The following AMDHD1 variants were observed in gnomAD, a reference collection of about 807,000 sequenced individuals.
AMDHD1 encodes probable imidazolonepropionase.
Under a neutral mutation model 44.1 loss-of-function variants are expected in AMDHD1, and 45 were observed. The observed-to-expected ratio is 1.02, with a 90% CI of 0.80 to 1.31. The LOEUF (loss-of-function observed/expected upper bound fraction) is 1.31, where lower values mean the gene tolerates loss of function less well. Ranked by LOEUF, AMDHD1 falls within the 50% of genes most tolerant of loss-of-function variation. The pLI is 0.00. For missense variants in AMDHD1, 586 were observed against 552.1 expected (o/e 1.06, Z -0.61); for synonymous variants, 206 against 205.0 (o/e 1.00, Z -0.04).
chr12:95,962,299 C>T (rs1224302111), intron 5 of AMDHD1, 56 bp from the exon 6 acceptor site: 8 of 1,572,492 alleles, frequency 5.1e-6, no homozygotes, highest in Non-Finnish European at 6.9e-6. Context: ...AATGGAACTT[C>T]ATGGATTCGT....
chr12:95,952,220 T>G (rs2080528575), intron 1 of AMDHD1, among the ~76,000 whole-genome samples: 1 of 152,206 alleles, frequency 6.6e-6, no homozygotes, highest in South Asian at 2.1e-4. Context: ...GTTTAAGTTC[T>G]TAGATTTCAG....
At chr12:95,959,541 TG>T (rs1257487494) in intron 4 of AMDHD1, among the ~76,000 whole-genome samples, 2 of 152,126 alleles carry the variant, frequency 1.3e-5, no homozygotes, top group African/African-American at 4.8e-5. Flanking sequence ...CCCCAGTTGC[TG>T]GGATTATAGG....
At chr12:95,956,253 C>T (rs554769424) in intron 3 of AMDHD1, among the ~76,000 whole-genome samples, 1 of 152,292 alleles carries the variant, frequency 6.6e-6, no homozygotes, top group Non-Finnish European at 1.5e-5. Context: ...GGGCTACAGG[C>T]GTGTGCCACC....
rs575835957 is a variant in AMDHD1, at chr12:95,955,025, C to A, written c.309+50C>A. ...TCAAAATAAAGCACAAATATGAAGT[C>A]TTTTGCTGAAGAGTTAGTAGGCTAT... On this transcript the variant is annotated intron_variant, in intron 3 of 8. Transcript: ENST00000266736. The A allele has an allele frequency of 1.8e-4, 278 of 1,577,222 alleles. 3 individuals are homozygous for A. The South Asian group carries it at 2.8e-3, about 16-fold the overall frequency.
intron 1 of AMDHD1, among the ~76,000 whole-genome samples, chr12:95,950,969 T>C (rs1372234271): frequency 6.6e-6 from 1 of 152,190 alleles, no homozygotes; most frequent in Non-Finnish European, 1.5e-5. Flanking sequence ...TTTTCATGGG[T>C]ACATATATAT....
Position 95,960,448 on chromosome 12 carries a change from C to T in AMDHD1, c.638C>T (p.Pro213Leu). The change falls in exon 5 of 9, where the codon CCA becomes CTA. Residue 213 changes from proline to leucine, a missense_variant. Pro to Leu is a moderately conservative substitution (Grantham distance 98). Coordinates refer to ENST00000266736, the MANE Select transcript of AMDHD1 (RefSeq NM_152435.3). ...GATGACATCATCAATAACCACCTCC[C>T]AAAGCTGAAGGAACTTGGCAGAAAT... is the stretch of plus-strand genomic sequence containing the variant. Reference protein sequence around the residue: ...AADDIINNHLPKLKELGRNGE... With the variant: ...AADDIINNHLLKLKELGRNGE... 5.6e-6 allele frequency: 9 copies of T among 1,614,192 alleles called. No homozygotes were observed. The highest frequency in any genetic ancestry group is 7.6e-6 in the Non-Finnish European group (9 of 1,180,038).
At position 95,948,561 on chromosome 12, in the gene AMDHD1, G is replaced by C. The variant is rs1356446509; in HGVS notation, c.138-4156G>C. On this transcript the variant is annotated intron_variant, in intron 1 of 8. Coordinates refer to ENST00000266736, the MANE Select transcript of AMDHD1 (RefSeq NM_152435.3). Reference sequence around the variant, plus strand: ...GGTGGGGGGGGGGTCAGCCCCCACCGCCCAGCCAGCCGACCCGTCCGGGAG... The same window carrying C: ...GGTGGGGGGGGGGTCAGCCCCCACCCCCCAGCCAGCCGACCCGTCCGGGAG... Among the ~76,000 whole-genome samples, 21 of 84,194 alleles carry C rather than the reference G, an allele frequency of 2.5e-4. 3 individuals carry two copies. The highest frequency in any genetic ancestry group is 7.6e-4 in the Admixed American group (6 of 7,914). The allele number at this position is 84,194 out of a possible 152,430, so 55.2% of individuals were successfully genotyped here. A position where few individuals can be genotyped will look rare whatever the true frequency, so the allele number is the denominator to read the frequency against.
At position 95,966,488 on chromosome 12, in the gene AMDHD1, C is replaced by G; in HGVS notation, c.1173C>G (p.Leu391=). Residue 391 remains leucine (L), a synonymous_variant, in exon 8 of 9, where the codon CTC becomes CTG. Transcript: ENST00000266736. ...GSLEVGKQGD[L]IIINSSRWEH... ...TGGAAGTTGGCAAACAGGGAGATCT[C>G]ATTATCATCAATTCATCCCGGTGAG... is the stretch of plus-strand genomic sequence containing the variant. The G allele has an allele frequency of 1.2e-6, 2 of 1,614,232 alleles. No individual in the cohort carries two copies. The highest frequency in any genetic ancestry group is 1.7e-6 in the Non-Finnish European group (2 of 1,180,048).
chr12:95,962,716 C>CTTTCTT (rs1252266360), intron 6 of AMDHD1, among the ~76,000 whole-genome samples: 3 of 152,054 alleles, frequency 2.0e-5, no homozygotes, highest in East Asian at 1.9e-4. Context: ...GAAGATGGTG[C>CTTTCTT]TTTCTTTTTC....
In AMDHD1 at chr12:95,968,464, A is replaced by G. The variant is rs946789314; in HGVS notation, c.*621A>G. On this transcript the variant is annotated 3_prime_UTR_variant, in exon 9 of 9. Coordinates refer to ENST00000266736, the MANE Select transcript of AMDHD1 (RefSeq NM_152435.3). ...TACACAGGCACAGGGGCCTTCCTGA[A>G]ATGGGTGCATTTTTACCAACTACAA... 6.6e-6 allele frequency: 1 copy of G among 152,188 alleles called. No individual in the cohort carries two copies. The highest frequency in any genetic ancestry group is 1.5e-5 in the Non-Finnish European group (1 of 68,030). 9.4% of individuals were successfully genotyped at this position (152,188 alleles called of 1,614,324 possible). A position where few individuals can be genotyped will look rare whatever the true frequency, so the allele number is the denominator to read the frequency against.
Position 95,952,818 on chromosome 12 carries a change from T to C in AMDHD1, c.239T>C (p.Leu80Pro). The C allele has an allele frequency of 6.3e-7, 1 of 1,588,626 alleles. No individual in the cohort carries two copies. The highest frequency in any genetic ancestry group is 8.6e-7 in the Non-Finnish European group (1 of 1,157,360). ...ATTGACTGCTCTGGGAAATGTATTC[T>C]ACCAGGTATTTACCTCTTTTTCAGT... The part of the protein sequence containing the change: ...EIIDCSGKCI[L>P]PGLVDAHTHP... Residue 80 changes from leucine to proline, a missense_variant, in exon 2 of 9, where the codon CTA becomes CCA. Coordinates refer to ENST00000266736, the MANE Select transcript of AMDHD1 (RefSeq NM_152435.3).
chr12:95,945,788 T>C (rs1378460566), intron 1 of AMDHD1, among the ~76,000 whole-genome samples: 5 of 152,056 alleles, frequency 3.3e-5, no homozygotes, highest in African/African-American at 1.2e-4. Flanking sequence ...TGTGTGTTTT[T>C]TTTTTTCCCA....
chr12:95,956,910 G>A lies in AMDHD1; in HGVS notation c.535G>A (p.Glu179Lys), dbSNP rs769927161. The A allele has an allele frequency of 2.5e-6, 4 of 1,613,020 alleles. No individual in the cohort carries two copies. In the East Asian group the frequency reaches 8.9e-5, roughly 36 times the overall value. The change falls in exon 4 of 9, where the codon GAG becomes AAG. Residue 179 changes from glutamate to lysine, a missense_variant. By Grantham distance (56) the Glu-to-Lys change is moderately conservative. Coordinates refer to ENST00000266736, the MANE Select transcript of AMDHD1 (RefSeq NM_152435.3). ...GCGCGTGATTGAGCGCGCCCGGCGG[G>A]AGCTGGACATCGGCATCTCGGCTAC... ...MLRVIERARRELDIGISATYC... is the reference protein window; with the variant it reads ...MLRVIERARRKLDIGISATYC...
rs1363483765 is a variant in AMDHD1 at position 95,947,468 on chromosome 12, C to T, written c.137+3933C>T. The stretch of plus-strand genomic sequence containing the variant: ...GAGCCTCTCCGCCCGGCAGCCACCC[C>T]ATCTGGGAAGTGAGGAGCGTCTCCG... On this transcript the variant is annotated intron_variant, in intron 1 of 8. Coordinates refer to ENST00000266736, the MANE Select transcript of AMDHD1 (RefSeq NM_152435.3). 7.3e-5 allele frequency: 5 copies of T among 68,652 alleles called. 1 individual carries two copies. Among genetic ancestry groups the T allele is most frequent in the African/African-American group, 1.6e-4 (2 of 12,218 alleles). The allele number at this position is 68,652 out of a possible 1,614,324, so 4.3% of individuals were successfully genotyped here. A position where few individuals can be genotyped will look rare whatever the true frequency, so the allele number is the denominator to read the frequency against.
chr12:95,954,587 T>C (rs1014605512), intron 2 of AMDHD1, among the ~76,000 whole-genome samples: 2 of 150,932 alleles, frequency 1.3e-5, no homozygotes, highest in African/African-American at 4.9e-5. Flanking sequence ...TAAAATAAAA[T>C]AAAATAAAAT....
rs60076877 is a variant in AMDHD1, at chr12:95,964,928, C to CAAAAAAAAAAAAAAAA, written c.939-750_939-735dup. ...AAAGGACCTACAGAGATGTTTGAGG[C>CAAAAAAAAAAAAAAAA]AAAAAAAAAAAAAAAAAAAAAAAGA... On this transcript the variant is annotated intron_variant, in intron 6 of 8. Coordinates refer to ENST00000266736, the MANE Select transcript of AMDHD1 (RefSeq NM_152435.3). Among the ~76,000 whole-genome samples, 240 of 35,826 alleles carry CAAAAAAAAAAAAAAAA rather than the reference C, an allele frequency of 6.7e-3. 78 individuals carry two copies. Among genetic ancestry groups the CAAAAAAAAAAAAAAAA allele is most frequent in the African/African-American group, 0.027 (202 of 7,356 alleles). The allele number at this position is 35,826 out of a possible 152,430, so 23.5% of individuals were successfully genotyped here.
intron 5 of AMDHD1, 73 bp from the exon 6 acceptor site, chr12:95,962,282 G>A (rs3751265): frequency 0.48 from 743,378 of 1,550,498 alleles, 181,076 homozygotes; most frequent in African/African-American, 0.66. Context: ...AACAAACAAA[G>A]CAATTTAATG....
chr12:95,953,876 C>T lies in AMDHD1; in HGVS notation c.245-1035C>T, dbSNP rs12306501. ...TATTATAGGCATGAGCCACCACGCC[C>T]GGCCTTCCTTATGATTCTTGAGAGT... is the stretch of plus-strand genomic sequence containing the variant. On this transcript the variant is annotated intron_variant, in intron 2 of 8. Transcript: ENST00000266736. Among the ~76,000 whole-genome samples the T allele has an allele frequency of 8.2e-3, 1,253 of 152,188 alleles. 21 individuals carry two copies. The highest frequency in any genetic ancestry group is 0.029 in the African/African-American group (1,189 of 41,534).
At chr12:95,961,745 CA>C (rs1366900119) in intron 5 of AMDHD1, among the ~76,000 whole-genome samples, 2 of 152,254 alleles carry the variant, frequency 1.3e-5, no homozygotes, top group Non-Finnish European at 2.9e-5. Flanking sequence ...CCAATTCTCC[CA>C]AATAGCTCTA....
Sources: allele counts gnomAD v4.1 joint callset (sites outside exome capture counted in the v4.1 genomes callset), GRCh38; gene constraint gnomAD v4.1.1; transcripts MANE v1.5; gene names NCBI Gene and HGNC (gene_info 2026-07-23, HGNC 2026-07-21).